The following ENPP5 variants were observed in gnomAD, a reference collection of about 807,000 sequenced individuals.
The protein encoded by ENPP5 is ectonucleotide pyrophosphatase/phosphodiesterase family member 5.
In ENPP5, 27 loss-of-function variants were observed where a neutral mutation model predicts 33.7. That is an observed-to-expected ratio of 0.80 (90% confidence interval 0.59 to 1.11). The LOEUF (loss-of-function observed/expected upper bound fraction) is 1.11, where lower values mean the gene tolerates loss of function less well. Ranked by LOEUF, ENPP5 falls within the 50% of genes least tolerant of loss-of-function variation. The pLI, the probability that ENPP5 is intolerant of heterozygous loss-of-function variation, is 0.00. For synonymous variants in ENPP5, 199 were observed against 200.5 expected (o/e 0.99, Z 0.06); for missense variants, 552 against 579.2 (o/e 0.95, Z 0.48).
chr6:46,168,778 G>A (rs1229702667), intron 2 of ENPP5, among the ~76,000 whole-genome samples: 2 of 151,568 alleles, frequency 1.3e-5, no homozygotes, highest in Non-Finnish European at 2.9e-5. Flanking sequence ...ATATATATAT[G>A]TATATGCACA....
chr6:46,162,900 T>C (rs1467517884), intron 4 of ENPP5, among the ~76,000 whole-genome samples: 1 of 152,234 alleles, frequency 6.6e-6, no homozygotes, highest in Non-Finnish European at 1.5e-5. Context: ...TGTAATTGAC[T>C]GGATGATTGC....
At chr6:46,164,194 T>A (rs576916701) in intron 4 of ENPP5, among the ~76,000 whole-genome samples, 17 of 152,078 alleles carry the variant, frequency 1.1e-4, no homozygotes, top group Non-Finnish European at 2.2e-4. Flanking sequence ...CGCAACCTAC[T>A]CATCTGACAA....
Position 46,168,161 on chromosome 6 carries a change from A to C in ENPP5, c.102T>G (p.Ser34=). 1 of 1,613,782 alleles carries C rather than the reference A, an allele frequency of 6.2e-7. No homozygotes were observed. Among genetic ancestry groups the C allele is most frequent in the Non-Finnish European group, 8.5e-7 (1 of 1,179,680 alleles). Residue 34 remains serine (S), a synonymous_variant, in exon 3 of 5, where the codon TCT becomes TCG. Transcript: ENST00000371383. The stretch of plus-strand genomic sequence containing the variant: ...AGTAATCCCAACGGAATCCATCAAA[A>C]GAAACTAGTAGAACCTTTTGCTGGT... ...QPDQQKVLLV[S]FDGFRWDYLY... is the part of the protein sequence containing the mutation.
rs371242632 is a variant in ENPP5, at chr6:46,167,994, A to T, written c.269T>A (p.Ile90Asn). ...VTGLFAENHG[I>N]VANDMFDPIR... ...AGGATCAAACATATCATTTGCAACA[A>T]TCCCATGATTCTCTGCAAAGAGGCC... The change falls in exon 3 of 5, where the codon ATT becomes AAT. Residue 90 changes from isoleucine (I) to asparagine (N), a missense_variant. Physicochemically the swap from Ile to Asn is moderately radical, Grantham distance 149. Transcript: ENST00000371383. The T allele has an allele frequency of 6.2e-7, 1 of 1,614,104 alleles. No individual in the cohort carries two copies. Among genetic ancestry groups the T allele is most frequent in the African/African-American group, 1.3e-5 (1 of 74,934 alleles).
At chr6:46,163,962 C>T (rs1358044940) in intron 4 of ENPP5, among the ~76,000 whole-genome samples, 1 of 152,170 alleles carries the variant, frequency 6.6e-6, no homozygotes, top group African/African-American at 2.4e-5. Context: ...GGATTAAAGA[C>T]TTAAACGCTA....
At chr6:46,168,961 G>T (rs985564252) in intron 2 of ENPP5, among the ~76,000 whole-genome samples, 13 of 150,134 alleles carry the variant, frequency 8.7e-5, no homozygotes, top group Admixed American at 8.6e-4. Context: ...CACAGCATTC[G>T]TTGAACTAAA....
chr6:46,167,570 C>G lies in ENPP5; in HGVS notation c.693G>C (p.Leu231=). ...MLKKAKLWNT[L]NLIITSDHGM... is the part of the protein sequence containing the mutation. ...CATGATCACTTGTGATGATTAGGTT[C>G]AGAGTGTTCCACAACTTTGCCTTTT... The change falls in exon 3 of 5, where the codon CTG becomes CTC. Residue 231 remains leucine (L), a synonymous_variant. Coordinates refer to ENST00000371383, the MANE Select transcript of ENPP5 (RefSeq NM_001290072.2). The G allele has an allele frequency of 6.2e-7, 1 of 1,614,168 alleles. No individual in the cohort carries two copies. The highest frequency in any genetic ancestry group is 8.5e-7 in the Non-Finnish European group (1 of 1,180,024).
At chr6:46,169,802 G>A (rs953443145) in intron 2 of ENPP5, among the ~76,000 whole-genome samples, 2 of 152,168 alleles carry the variant, frequency 1.3e-5, no homozygotes, top group African/African-American at 4.8e-5. Flanking sequence ...AGAAATACAA[G>A]GTATATGTAC....
At chr6:46,166,401 C>T (rs372208466) in intron 3 of ENPP5, among the ~76,000 whole-genome samples, 17 of 151,686 alleles carry the variant, frequency 1.1e-4, no homozygotes, top group Admixed American at 3.3e-4. Flanking sequence ...TCAAGCAACC[C>T]TTCCACCTCA....
Position 46,168,077 on chromosome 6 carries a change from C to T in ENPP5, c.186G>A (p.Lys62=). Residue 62 remains lysine, a synonymous_variant, in exon 3 of 5, where the codon AAG becomes AAA. Transcript: ENST00000371383. ...TTGTAATAAAAACATTAGTAACTTGCTTCACGTGAACACCATATTTCATAA... is the reference window on the plus strand; with the variant it reads ...TTGTAATAAAAACATTAGTAACTTGTTTCACGTGAACACCATATTTCATAA... ...HYIMKYGVHV[K]QVTNVFITKT... The T allele has an allele frequency of 1.2e-6, 2 of 1,613,968 alleles. No homozygotes were observed. The highest frequency in any genetic ancestry group is 1.7e-6 in the Non-Finnish European group (2 of 1,179,908).
chr6:46,168,766 T>TTA (rs945858566), intron 2 of ENPP5, among the ~76,000 whole-genome samples: 8 of 151,510 alleles, frequency 5.3e-5, no homozygotes, highest in East Asian at 1.9e-4. Flanking sequence ...TACATATATA[T>TTA]TATATATATA....
Position 46,160,628 on chromosome 6 carries a change from A to G in ENPP5, c.*698T>C, listed in dbSNP as rs994042823. The G allele has an allele frequency of 6.6e-6, 1 of 152,208 alleles. No individual in the cohort carries two copies. The highest frequency in any genetic ancestry group is 1.5e-5 in the Non-Finnish European group (1 of 68,044). The allele number at this position is 152,208 out of a possible 1,614,324, so 9.4% of individuals were successfully genotyped here. On this transcript the variant is annotated 3_prime_UTR_variant, in exon 5 of 5. Transcript: ENST00000371383. The stretch of plus-strand genomic sequence containing the variant: ...ATTTTATGACAGAAACAATATATTT[A>G]GAACGAATCTGTCAGTATTTGACTC...
In ENPP5 at chr6:46,159,797, A is replaced by G. The variant is rs889628816; in HGVS notation, c.*1529T>C. On this transcript the variant is annotated 3_prime_UTR_variant, in exon 5 of 5. Coordinates refer to ENST00000371383, the MANE Select transcript of ENPP5 (RefSeq NM_001290072.2). ...TACAATTTTACCTACTCATTAGCCA[A>G]TTGGTACATATATATACATGAAATC... The G allele has an allele frequency of 5.3e-5, 8 of 152,142 alleles. No homozygotes were observed. Among genetic ancestry groups the G allele is most frequent in the Admixed American group, 5.2e-4 (8 of 15,278 alleles). The allele number at this position is 152,142 out of a possible 1,614,324, so 9.4% of individuals were successfully genotyped here.
chr6:46,166,931 T>C (rs1764564303), intron 3 of ENPP5, among the ~76,000 whole-genome samples: 1 of 152,096 alleles, frequency 6.6e-6, no homozygotes, highest in Non-Finnish European at 1.5e-5. Context: ...CCAGGAGAGG[T>C]TTGTAAAAAG....
In ENPP5 at chr6:46,161,341, T is replaced by C. The variant is rs1364160363; in HGVS notation, c.1419A>G (p.Pro473=). ...CAAAGTAACATTAGGCTTGTAATAATGGTTGAGCTATTTCAGCATGCATAT... is the reference window on the plus strand; with the variant it reads ...CAAAGTAACATTAGGCTTGTAATAACGGTTGAGCTATTTCAGCATGCATAT... ...LQDMHAEIAQ[P]LLQA Residue 473 remains proline (P), a synonymous_variant, in exon 5 of 5, where the codon CCA becomes CCG. Coordinates refer to ENST00000371383, the MANE Select transcript of ENPP5 (RefSeq NM_001290072.2). The C allele has an allele frequency of 1.2e-6, 2 of 1,611,668 alleles. No homozygotes were observed. Among genetic ancestry groups the C allele is most frequent in the Non-Finnish European group, 1.7e-6 (2 of 1,178,604 alleles).
rs3806995 is a variant in ENPP5, at chr6:46,168,247, G to T, written c.16C>A (p.Leu6Ile). 0.51 allele frequency: 808,227 copies of T among 1,575,864 alleles called. 213,211 individuals carry two copies. Among genetic ancestry groups the T allele is most frequent in the South Asian group, 0.67 (58,328 of 86,666 alleles). ...GCAGCAAGTATGAAGGACACCAAGA[G>T]AAATTTCGAAGTCATTTTCAAAGTA... MTSKFLLVSFILAALS... is the reference protein window; with the variant it reads MTSKFILVSFILAALS... The change falls in exon 3 of 5, where the codon CTC becomes ATC. Residue 6 changes from leucine to isoleucine, a missense_variant. Leu to Ile is a conservative substitution (Grantham distance 5). Coordinates refer to ENST00000371383, the MANE Select transcript of ENPP5 (RefSeq NM_001290072.2).
intron 4 of ENPP5, chr6:46,164,961 C>G (rs953098504): frequency 2.6e-5 from 4 of 152,412 alleles, no homozygotes; most frequent in Non-Finnish European, 4.4e-5. Context: ...AGGATGGTCT[C>G]GATCTCCTGA....
chr6:46,166,697 G>A (rs1764557877), intron 3 of ENPP5, among the ~76,000 whole-genome samples: 1 of 152,006 alleles, frequency 6.6e-6, no homozygotes, highest in Admixed American at 6.5e-5. Flanking sequence ...CTGAGGGATG[G>A]AATTCTCATT....
rs778039270 is a variant in ENPP5 at position 46,167,434 on chromosome 6, C to T, written c.829G>A (p.Gly277Ser). 6.3e-7 allele frequency: 1 copy of T among 1,597,150 alleles called. No homozygotes were observed. The change falls in exon 3 of 5, where the codon GGT (glycine) becomes AGT (serine). Residue 277 changes from glycine to serine, a missense_variant and splice_region_variant. By Grantham distance (56) the Gly-to-Ser change is moderately conservative. Coordinates refer to ENST00000371383, the MANE Select transcript of ENPP5 (RefSeq NM_001290072.2). ...SPVAAILPKE[G>S]KFDEVYEALT... ...TCACCATTCATTCAGTCAGCCTTAC[C>T]TTCTTTTGGCAAGATGGCTGCTACT...
Sources: allele counts gnomAD v4.1 joint callset (sites outside exome capture counted in the v4.1 genomes callset), GRCh38; gene constraint gnomAD v4.1.1; transcripts MANE v1.5; gene names NCBI Gene and HGNC (gene_info 2026-07-23, HGNC 2026-07-21).